The following ADGRB3 variants were observed in gnomAD, a reference collection of about 807,000 sequenced individuals.
ADGRB3 encodes the protein adhesion G protein-coupled receptor B3.
In ADGRB3, 37 loss-of-function variants were observed where a neutral mutation model predicts 193.4. The ratio of observed to expected loss-of-function variants is 0.19; its 90% CI spans 0.15 to 0.25. The LOEUF (loss-of-function observed/expected upper bound fraction) is 0.25, where lower values mean the gene tolerates loss of function less well. ADGRB3 is among the 10% of genes least tolerant of loss of function. The pLI is 1.00. For missense variants in ADGRB3, 1,637 were observed against 1,852.9 expected (o/e 0.88, Z 2.14); for synonymous variants, 690 against 644.2 (o/e 1.07, Z -1.08).
chr6:69,153,950 A>ATG (rs1774757143), intron 17 of ADGRB3, among the ~76,000 whole-genome samples: 1 of 152,044 alleles, frequency 6.6e-6, no homozygotes, highest in Admixed American at 6.5e-5. Context: ...CCGAGATTGC[A>ATG]CCACTGCACT....
intron 3 of ADGRB3, among the ~76,000 whole-genome samples, chr6:68,726,686 AT>A (rs1765679893): frequency 6.6e-6 from 1 of 151,638 alleles, no homozygotes; most frequent in African/African-American, 2.4e-5. Context: ...GAGCTATAGA[AT>A]TTTTGAGATC....
intron 20 of ADGRB3, among the ~76,000 whole-genome samples, chr6:69,265,307 A>G (rs539896591): frequency 1.3e-5 from 2 of 152,022 alleles, no homozygotes; most frequent in Non-Finnish European, 2.9e-5. Context: ...AACAGGGATG[A>G]TTTGACTCAG....
chr6:69,163,536 C>A (rs1031791592), intron 17 of ADGRB3, among the ~76,000 whole-genome samples: 1 of 152,002 alleles, frequency 6.6e-6, no homozygotes, highest in Non-Finnish European at 1.5e-5. Flanking sequence ...GCTATATTTT[C>A]AATTTGGTCT....
Position 68,902,335 on chromosome 6 carries a change from A to AT in ADGRB3, c.758-28215dup, listed in dbSNP as rs914554684. Among the ~76,000 whole-genome samples, 342 of 151,440 alleles carry AT rather than the reference A, an allele frequency of 2.3e-3. 3 individuals carry two copies. Among genetic ancestry groups the AT allele is most frequent in the African/African-American group, 7.7e-3 (317 of 41,316 alleles). On this transcript the variant is annotated intron_variant, in intron 3 of 31. Coordinates refer to ENST00000370598, the MANE Select transcript of ADGRB3 (RefSeq NM_001704.3). Reference sequence around the variant, plus strand: ...ACAATAAATCAAGCCATCTGTAGTAATTTTTTTTTCTGCTTAGGGAATGAT... The same window carrying AT: ...ACAATAAATCAAGCCATCTGTAGTAATTTTTTTTTTCTGCTTAGGGAATGAT...
intron 3 of ADGRB3, among the ~76,000 whole-genome samples, chr6:68,703,843 G>A (rs1052490467): frequency 1.3e-5 from 2 of 151,946 alleles, no homozygotes; most frequent in Admixed American, 6.6e-5. Flanking sequence ...GGATAGTCTC[G>A]AACTCCTGAC....
At chr6:69,141,403 A>G (rs893215841) in intron 17 of ADGRB3, among the ~76,000 whole-genome samples, 7 of 152,256 alleles carry the variant, frequency 4.6e-5, no homozygotes, top group South Asian at 2.1e-4. Flanking sequence ...GATTACAGGC[A>G]TGAGCCACTG....
At chr6:69,060,562 C>A (rs1448152963) in intron 15 of ADGRB3, among the ~76,000 whole-genome samples, 1 of 151,854 alleles carries the variant, frequency 6.6e-6, no homozygotes, top group African/African-American at 2.4e-5. Flanking sequence ...AATAGAGATA[C>A]CTTTCTAATA....
intron 8 of ADGRB3, among the ~76,000 whole-genome samples, chr6:68,958,872 TGTG>T (rs1348156824): frequency 0.057 from 1,644 of 28,896 alleles, 36 homozygotes; most frequent in African/African-American, 0.21. Flanking sequence ...AGAAAAATAG[TGTG>T]TGTGTGTGTG....
chr6:68,870,802 G>A (rs1417414743), intron 3 of ADGRB3, among the ~76,000 whole-genome samples: 1 of 152,142 alleles, frequency 6.6e-6, no homozygotes, highest in Non-Finnish European at 1.5e-5. Flanking sequence ...CATGAGGCTA[G>A]ACCAGTAAAT....
chr6:69,051,971 T>C (rs1345049747), intron 15 of ADGRB3, among the ~76,000 whole-genome samples: 1 of 152,180 alleles, frequency 6.6e-6, no homozygotes, highest in Non-Finnish European at 1.5e-5. Flanking sequence ...CTCCGCTCAC[T>C]GCAAGATCTC....
chr6:69,343,236 A>T (rs949528798), intron 26 of ADGRB3, among the ~76,000 whole-genome samples: 12 of 147,106 alleles, frequency 8.2e-5, no homozygotes, highest in African/African-American at 2.8e-4. Flanking sequence ...CACATTGTGC[A>T]GGTTAGTTAC....
chr6:69,066,119 A>G (rs1771897147), intron 16 of ADGRB3, among the ~76,000 whole-genome samples: 1 of 151,600 alleles, frequency 6.6e-6, no homozygotes, highest in African/African-American at 2.4e-5. Flanking sequence ...ACAAGAGACA[A>G]CTAATACAAA....
At chr6:69,249,113 G>A (rs967495382) in intron 20 of ADGRB3, among the ~76,000 whole-genome samples, 1 of 152,136 alleles carries the variant, frequency 6.6e-6, no homozygotes, top group African/African-American at 2.4e-5. Flanking sequence ...GAGTAGCTGG[G>A]ATTACAGGTG....
chr6:69,141,133 G>GT (rs66493941), intron 17 of ADGRB3, among the ~76,000 whole-genome samples: 6 of 129,148 alleles, frequency 4.6e-5, no homozygotes, highest in South Asian at 2.5e-4. Context: ...TTTTTTGGGG[G>GT]GGGCGGTGGG....
chr6:69,283,338 C>G (rs1014793860), intron 20 of ADGRB3, among the ~76,000 whole-genome samples: 6 of 152,154 alleles, frequency 3.9e-5, no homozygotes, highest in Non-Finnish European at 7.3e-5. Context: ...GACCTGGGGC[C>G]TGCAGACAAT....
intron 13 of ADGRB3, among the ~76,000 whole-genome samples, chr6:69,021,695 A>G (rs756183095): frequency 1.3e-5 from 2 of 151,944 alleles, no homozygotes; most frequent in Non-Finnish European, 2.9e-5. Context: ...TCAAGATAAG[A>G]GTTCCTAGAA....
intron 17 of ADGRB3, among the ~76,000 whole-genome samples, chr6:69,155,466 G>A (rs915176160): frequency 1.3e-5 from 2 of 152,170 alleles, no homozygotes; most frequent in Admixed American, 6.5e-5. Flanking sequence ...ATGCCATCAT[G>A]TACCACAGGG....
At chr6:68,852,240 A>T (rs1297449407) in intron 3 of ADGRB3, among the ~76,000 whole-genome samples, 1 of 151,884 alleles carries the variant, frequency 6.6e-6, no homozygotes, top group Non-Finnish European at 1.5e-5. Flanking sequence ...TGTAGCCTTG[A>T]ATGCTGTATA....
intron 17 of ADGRB3, among the ~76,000 whole-genome samples, chr6:69,170,712 G>T (rs549658188): frequency 6.6e-6 from 1 of 152,318 alleles, no homozygotes; most frequent in East Asian, 1.9e-4. Flanking sequence ...AGAAGAGGAA[G>T]ATATGACTTC....
Sources: allele counts gnomAD v4.1 joint callset (sites outside exome capture counted in the v4.1 genomes callset), GRCh38; gene constraint gnomAD v4.1.1; transcripts MANE v1.5; gene names NCBI Gene and HGNC (gene_info 2026-07-23, HGNC 2026-07-21).